SLC4A5: variants seen among roughly 807,000 people sequenced by gnomAD.
SLC4A5 encodes the protein solute carrier family 4 member 5.
A neutral mutation model predicts 120.4 loss-of-function variants in SLC4A5; 96 were observed. The ratio of observed to expected loss-of-function variants is 0.80; its 90% CI spans 0.68 to 0.94. The LOEUF (loss-of-function observed/expected upper bound fraction) is 0.94, where lower values mean the gene tolerates loss of function less well. SLC4A5 is among the 40% of genes least tolerant of loss of function. SLC4A5 has a pLI of 0.00. For synonymous variants in SLC4A5, 550 were observed against 571.1 expected (o/e 0.96, Z 0.53); for missense variants, 1,259 against 1,459.5 (o/e 0.86, Z 2.24).
At chr2:74,264,115 T>G (rs766011901) in intron 10 of SLC4A5, 32 bp downstream of exon 10, 2 of 1,605,328 alleles carry the variant, frequency 1.2e-6, no homozygotes, top group South Asian at 2.2e-5. Flanking sequence ...GCCCTGCATG[T>G]CCCATGCCTA....
chr2:74,218,254 T>C (rs551982282), exon 31 of SLC4A5: 1 of 152,106 alleles, frequency 6.6e-6, no homozygotes, highest in South Asian at 2.1e-4. Flanking sequence ...TTTGAGAACA[T>C]CTATATTTAA....
At chr2:74,245,246 G>T (rs980973667) in intron 19 of SLC4A5, among the ~76,000 whole-genome samples, 20 of 152,178 alleles carry the variant, frequency 1.3e-4, no homozygotes, top group Non-Finnish European at 2.8e-4. Flanking sequence ...TTGAACCCAG[G>T]AGGCAGAGGT....
chr2:74,325,377 C>A (rs1320609231), intron 5 of SLC4A5, among the ~76,000 whole-genome samples: 1 of 152,206 alleles, frequency 6.6e-6, no homozygotes, highest in Non-Finnish European at 1.5e-5. Context: ...TAAGACCATT[C>A]CTGCTTCATG....
chr2:74,339,177 C>T (rs1673567860), intron 2 of SLC4A5: 1 of 152,108 alleles, frequency 6.6e-6, no homozygotes, highest in South Asian at 2.1e-4. Flanking sequence ...AAACGATGAA[C>T]CTTTTAAATA....
At chr2:74,222,750 G>T (rs141780822) in intron 29 of SLC4A5, 118 bp downstream of exon 29, 4 of 912,772 alleles carry the variant, frequency 4.4e-6, no homozygotes, top group East Asian at 4.9e-5. Context: ...AAAAGTTGGG[G>T]ACTGCTGCTC....
At chr2:74,337,543 T>C (rs933531160) in intron 3 of SLC4A5, among the ~76,000 whole-genome samples, 5 of 152,210 alleles carry the variant, frequency 3.3e-5, no homozygotes, top group Non-Finnish European at 7.3e-5. Context: ...TTTTACACAC[T>C]TGAGTTTATG....
intron 5 of SLC4A5, among the ~76,000 whole-genome samples, chr2:74,317,954 A>C (rs946981892): frequency 1.3e-5 from 2 of 152,262 alleles, no homozygotes; most frequent in Admixed American, 6.5e-5. Flanking sequence ...ATACCAAAAC[A>C]AACAGGAAAA....
In SLC4A5 at chr2:74,248,445, G is replaced by A. The variant is rs1209014112; in HGVS notation, c.1695C>T (p.Ser565=). The stretch of plus-strand genomic sequence containing the variant: ...GCTGTCCCGAGAAGAGGCAGAACAA[G>A]GAGCCAGCCATGGCAGTGCCCAGGA... Residue 565 remains serine, a synonymous_variant, in exon 18 of 31, where the codon TCC becomes TCT. Transcript: ENST00000394019. 5 of 1,614,066 alleles carry A rather than the reference G, an allele frequency of 3.1e-6. No individual in the cohort carries two copies. In the Admixed American group the frequency reaches 6.7e-5, roughly 22 times the overall value.
intron 4 of SLC4A5, 103 bp from the exon 5 acceptor site, chr2:74,328,289 A>T: frequency 4.5e-6 from 3 of 662,150 alleles, no homozygotes; most frequent in Non-Finnish European, 5.6e-6. Context: ...CCATGTGACC[A>T]AGGTGGGGGG....
intron 7 of SLC4A5, among the ~76,000 whole-genome samples, chr2:74,302,245 G>C (rs1298689973): frequency 6.6e-6 from 1 of 152,036 alleles, no homozygotes; most frequent in South Asian, 2.1e-4. Flanking sequence ...CAGCCCTGTC[G>C]GGAACAAGCC....
At chr2:74,340,480 G>C (rs1673598737) in intron 2 of SLC4A5, among the ~76,000 whole-genome samples, 1 of 152,130 alleles carries the variant, frequency 6.6e-6, no homozygotes, top group African/African-American at 2.4e-5. Context: ...CTTCATCCAA[G>C]ATGGAGGAGA....
rs770746644 is a variant in SLC4A5, at chr2:74,226,995, G to C, written c.3052C>G (p.Leu1018Val). The change falls in exon 27 of 31, where the codon CTC becomes GTC. Residue 1018 changes from leucine (L) to valine (V), a missense_variant. Physicochemically the swap from Leu to Val is conservative, Grantham distance 32 (BLOSUM62 1). Transcript: ENST00000394019. Reference sequence around the variant, plus strand: ...ATGATGGCAGCCACCGTGGATTTGAGGATCCAGAGCACCGCCAGGCAGAGG... The same window carrying C: ...ATGATGGCAGCCACCGTGGATTTGACGATCCAGAGCACCGCCAGGCAGAGG... The C allele has an allele frequency of 3.1e-6, 5 of 1,614,064 alleles. No homozygotes were observed. The East Asian group carries it at 1.1e-4, about 36-fold the overall frequency.
intron 8 of SLC4A5, among the ~76,000 whole-genome samples, chr2:74,274,466 A>G (rs753428117): frequency 6.6e-6 from 1 of 152,272 alleles, no homozygotes; most frequent in Non-Finnish European, 1.5e-5. Flanking sequence ...ATATGTTAAT[A>G]AACCAAACTT....
At chr2:74,234,303 C>T (rs969012402) in intron 22 of SLC4A5, among the ~76,000 whole-genome samples, 3 of 151,938 alleles carry the variant, frequency 2.0e-5, no homozygotes, top group Non-Finnish European at 2.9e-5. Context: ...CTCAGCCTCC[C>T]GAGTAGCTGG....
At chr2:74,262,654 G>A (rs553745956) in intron 10 of SLC4A5, among the ~76,000 whole-genome samples, 13 of 151,430 alleles carry the variant, frequency 8.6e-5, no homozygotes, top group South Asian at 4.2e-4. Flanking sequence ...AGCTGAGATC[G>A]CGCCATTGCA....
intron 7 of SLC4A5, among the ~76,000 whole-genome samples, chr2:74,286,998 A>G (rs796375035): frequency 6.6e-5 from 10 of 152,176 alleles, no homozygotes; most frequent in African/African-American, 2.4e-4. Flanking sequence ...CCCTGGAGTC[A>G]TCATTACCTC....
intron 5 of SLC4A5, among the ~76,000 whole-genome samples, chr2:74,323,625 T>C (rs1346900010): frequency 1.3e-5 from 2 of 152,158 alleles, no homozygotes; most frequent in African/African-American, 2.4e-5. Flanking sequence ...TTGGGGATTT[T>C]AGAACAACTC....
At chr2:74,277,288 G>A (rs944208645) in intron 8 of SLC4A5, among the ~76,000 whole-genome samples, 9 of 152,184 alleles carry the variant, frequency 5.9e-5, no homozygotes, top group Non-Finnish European at 1.0e-4. Flanking sequence ...AGTGGCTCAC[G>A]CCTGTAATCC....
rs563292074 is a variant in SLC4A5, at chr2:74,235,039, G to T, written c.2433+62C>A. On this transcript the variant is annotated intron_variant, in intron 22 of 30. Transcript: ENST00000394019. Reference sequence around the variant, plus strand: ...AAGAGAGTTTGATCAGCACAGAGGGGAAAGAATCTGCAGCTGGTAGGCAGG... The same window carrying T: ...AAGAGAGTTTGATCAGCACAGAGGGTAAAGAATCTGCAGCTGGTAGGCAGG... 2.7e-5 allele frequency: 35 copies of T among 1,319,506 alleles called. No individual in the cohort carries two copies. In the East Asian group the frequency reaches 7.4e-4, roughly 28 times the overall value. The allele number at this position is 1,319,506 out of a possible 1,614,324, so 81.7% of individuals were successfully genotyped here.
Sources: allele counts gnomAD v4.1 joint callset (sites outside exome capture counted in the v4.1 genomes callset), GRCh38; gene constraint gnomAD v4.1.1; transcripts MANE v1.5; gene names NCBI Gene and HGNC (gene_info 2026-07-23, HGNC 2026-07-21).